ZNF624: variants seen among roughly 807,000 people sequenced by gnomAD.
ZNF624 encodes zinc finger protein 624.
Under a neutral mutation model 74.7 loss-of-function variants are expected in ZNF624, and 43 were observed. The observed-to-expected ratio is 0.58, with a 90% CI of 0.45 to 0.74. ZNF624 has a LOEUF of 0.74. ZNF624 is among the 30% of genes least tolerant of loss of function. ZNF624 has a pLI of 0.00. For missense variants in ZNF624, 820 were observed against 1,030.0 expected (o/e 0.80, Z 2.79); for synonymous variants, 331 against 341.3 (o/e 0.97, Z 0.33).
At chr17:16,645,245 G>A (rs1909560028) in intron 3 of ZNF624, among the ~76,000 whole-genome samples, 1 of 152,148 alleles carries the variant, frequency 6.6e-6, no homozygotes, top group Non-Finnish European at 1.5e-5. Flanking sequence ...TTGAAGACCA[G>A]TCTGGCCAAC....
chr17:16,625,317 G>T (rs1197775137), intron 5 of ZNF624, among the ~76,000 whole-genome samples: 1 of 152,120 alleles, frequency 6.6e-6, no homozygotes, highest in Non-Finnish European at 1.5e-5. Flanking sequence ...GAGTAGCCGG[G>T]ACTACAGTCA....
intron 1 of ZNF624, among the ~76,000 whole-genome samples, chr17:16,651,198 G>A (rs1013009092): frequency 5.3e-5 from 8 of 151,940 alleles, no homozygotes; most frequent in African/African-American, 1.9e-4. Context: ...AGGCCGAGGC[G>A]GGCAGAGCAC....
intron 3 of ZNF624, among the ~76,000 whole-genome samples, chr17:16,639,803 A>G (rs1909424354): frequency 6.6e-6 from 1 of 152,236 alleles, no homozygotes; most frequent in African/African-American, 2.4e-5. Flanking sequence ...CAACAACTGC[A>G]ACAACAAACC....
downstream of ZNF624, among the ~76,000 whole-genome samples, chr17:16,615,956 C>CATACATATATATAT (rs58603208): frequency 3.5e-4 from 32 of 90,268 alleles, no homozygotes; most frequent in African/African-American, 1.1e-3. Context: ...ATTCCATATA[C>CATACATATATATAT]ATATATATAT....
At chr17:16,630,323 G>A (rs1909175914) in intron 5 of ZNF624, among the ~76,000 whole-genome samples, 1 of 151,440 alleles carries the variant, frequency 6.6e-6, no homozygotes, top group Admixed American at 6.6e-5. Context: ...TTGGGAGGCC[G>A]AGGTGGGTGG....
intron 4 of ZNF624, among the ~76,000 whole-genome samples, chr17:16,634,312 A>G (rs1909276181): frequency 6.6e-6 from 1 of 152,200 alleles, no homozygotes; most frequent in Admixed American, 6.5e-5. Context: ...GATTGTGGAA[A>G]TAAACTGAGT....
chr17:16,653,510 G>GA (rs1348666436), intron 1 of ZNF624: 2 of 152,356 alleles, frequency 1.3e-5, no homozygotes, highest in African/African-American at 2.4e-5. Flanking sequence ...GGCCCGCAGG[G>GA]AGGGGGTTCC....
intron 3 of ZNF624, among the ~76,000 whole-genome samples, chr17:16,645,747 T>C (rs1597498711): frequency 1.4e-5 from 2 of 146,968 alleles, no homozygotes; most frequent in Admixed American, 6.8e-5. Context: ...AGGTCAGGAG[T>C]TCAAGACCAG....
Position 16,636,108 on chromosome 17 carries a change from C to T in ZNF624, c.154-1352G>A, listed in dbSNP as rs146470063. On this transcript the variant is annotated intron_variant, in intron 3 of 5. Coordinates refer to ENST00000311331, the MANE Select transcript of ZNF624 (RefSeq NM_020787.4). ...ACAACTTGAAGAGGCTTCCACTGGC[C>T]AATGATATGACAATTTGAGCATCAA... Among the ~76,000 whole-genome samples the T allele has an allele frequency of 1.4e-3, 212 of 152,164 alleles. 1 individual carries two copies. The highest frequency in any genetic ancestry group is 5.0e-3 in the African/African-American group (208 of 41,512).
chr17:16,616,043 A>G (rs1908787316), downstream of ZNF624, among the ~76,000 whole-genome samples: 1 of 148,060 alleles, frequency 6.8e-6, no homozygotes, highest in South Asian at 2.1e-4. Flanking sequence ...CAATCAGAAA[A>G]TGAAATTAAA....
chr17:16,617,112 G>C, downstream of ZNF624: 1 of 1,613,032 alleles, frequency 6.2e-7, no homozygotes, highest in South Asian at 1.1e-5. Flanking sequence ...AATGTGAATG[G>C]GAGCCCCGAT....
downstream of ZNF624, among the ~76,000 whole-genome samples, chr17:16,616,582 G>C (rs961089555): frequency 1.3e-5 from 2 of 152,130 alleles, no homozygotes; most frequent in Non-Finnish European, 2.9e-5. Context: ...AAAACTAAAT[G>C]AGCTTAATCT....
At chr17:16,638,195 A>C (rs1442594922) in intron 3 of ZNF624, among the ~76,000 whole-genome samples, 5 of 152,244 alleles carry the variant, frequency 3.3e-5, no homozygotes, top group African/African-American at 1.2e-4. Context: ...GATGGCGATC[A>C]TTAAAAAGTC....
chr17:16,648,628 G>A lies in ZNF624; in HGVS notation c.87+1030C>T, dbSNP rs568486227. On this transcript the variant is annotated intron_variant, in intron 2 of 5. Coordinates refer to ENST00000311331, the MANE Select transcript of ZNF624 (RefSeq NM_020787.4). ...ACAAAGAATAAAAGACCACAATCAC[G>A]GGTTATTACAGATCATTACTATAAC... 3.2e-4 allele frequency among the ~76,000 whole-genome samples: 49 copies of A among 152,226 alleles called. 1 individual carries two copies. In the Middle Eastern group the frequency reaches 0.024, roughly 74 times the overall value.
chr17:16,643,435 T>C (rs924623671), intron 3 of ZNF624, among the ~76,000 whole-genome samples: 2 of 152,140 alleles, frequency 1.3e-5, no homozygotes, highest in Admixed American at 6.5e-5. Context: ...AAGGACAACA[T>C]ATTATATCAT....
At chr17:16,649,213 G>A (rs1909661881) in intron 2 of ZNF624, among the ~76,000 whole-genome samples, 1 of 152,136 alleles carries the variant, frequency 6.6e-6, no homozygotes, top group Admixed American at 6.5e-5. Flanking sequence ...ACTTCTTAAT[G>A]AGTAGAAAAG....
chr17:16,626,573 T>C (rs1021916340), intron 5 of ZNF624, among the ~76,000 whole-genome samples: 1 of 151,820 alleles, frequency 6.6e-6, no homozygotes, highest in Non-Finnish European at 1.5e-5. Context: ...GGCAACACAG[T>C]GAGACCCCAT....
chr17:16,623,007 G>T lies in ZNF624; in HGVS notation c.1879C>A (p.Leu627Ile). The T allele has an allele frequency of 6.2e-7, 1 of 1,613,760 alleles. No individual in the cohort carries two copies. Among genetic ancestry groups the T allele is most frequent in the Non-Finnish European group, 8.5e-7 (1 of 1,179,892 alleles). ...CERAFTKMVNLKEHQKIHTGV... is the reference protein window; with the variant it reads ...CERAFTKMVNIKEHQKIHTGV... ...GTATGAATTTTCTGATGCTCCTTGAGATTTACCATTTTGGTGAATGCCCTC... is the reference window on the plus strand; with the variant it reads ...GTATGAATTTTCTGATGCTCCTTGATATTTACCATTTTGGTGAATGCCCTC... The change falls in exon 6 of 6, where the codon CTC becomes ATC. Residue 627 changes from leucine to isoleucine, a missense_variant. By Grantham distance (5) the Leu-to-Ile change is conservative. Coordinates refer to ENST00000311331, the MANE Select transcript of ZNF624 (RefSeq NM_020787.4). This position sits in a 1 kb window ranked among gnomAD's most constrained non-coding sequence, Gnocchi z 5.3.
rs753826234 is a variant in ZNF624 at position 16,622,383 on chromosome 17, G to A, written c.2503C>T (p.Pro835Ser). Reference protein sequence around the residue: ...VHLRMHTGEKPYKCNECGKAF... With the variant: ...VHLRMHTGEKSYKCNECGKAF... ...TTTCCACATTCATTACATTTATAGG[G>A]TTTTTCTCCAGTATGCATCCTCAAG... is the stretch of plus-strand genomic sequence containing the variant. The change falls in exon 6 of 6, where the codon CCC (proline) becomes TCC (serine). Residue 835 changes from proline to serine, a missense_variant. Pro to Ser is a moderately conservative substitution (Grantham distance 74, BLOSUM62 -1). Coordinates refer to ENST00000311331, the MANE Select transcript of ZNF624 (RefSeq NM_020787.4). 4 of 1,613,714 alleles carry A rather than the reference G, an allele frequency of 2.5e-6. No homozygotes were observed. The African/African-American group carries it at 5.3e-5, about 22-fold the overall frequency.
Sources: allele counts gnomAD v4.1 joint callset (sites outside exome capture counted in the v4.1 genomes callset), GRCh38; gene constraint gnomAD v4.1.1; non-coding constraint Gnocchi (gnomAD v3.1); transcripts MANE v1.5; gene names NCBI Gene and HGNC (gene_info 2026-07-23, HGNC 2026-07-21).